LRRC7: variants seen among roughly 807,000 people sequenced by gnomAD.
LRRC7 encodes leucine-rich repeat-containing protein 7.
LRRC7 carries 23 observed loss-of-function variants against 175.7 expected under a neutral mutation model. That is an observed-to-expected ratio of 0.13 (90% CI 0.09 to 0.19). The LOEUF (loss-of-function observed/expected upper bound fraction) is 0.19, where lower values mean the gene tolerates loss of function less well. LRRC7 is among the 10% of genes least tolerant of loss of function. LRRC7 has a pLI of 1.00. For synonymous variants in LRRC7, 685 were observed against 680.9 expected (o/e 1.01, Z -0.09); for missense variants, 1,354 against 1,904.7 (o/e 0.71, Z 5.38).
chr1:70,036,318 T>G, intron 19 of LRRC7, 86 bp downstream of exon 19: 1 of 1,387,648 alleles, frequency 7.2e-7, no homozygotes, highest in Admixed American at 2.0e-5. Context: ...TACACCATAT[T>G]CTATACAAAT....
intron 17 of LRRC7, among the ~76,000 whole-genome samples, chr1:70,024,660 A>G (rs1383414848): frequency 6.6e-6 from 1 of 151,998 alleles, no homozygotes; most frequent in Non-Finnish European, 1.5e-5. Flanking sequence ...ATTTTATCTC[A>G]TGCTGGAATA....
chr1:69,858,321 G>C lies in LRRC7; in HGVS notation c.647+20038G>C, dbSNP rs145667314. Among the ~76,000 whole-genome samples, 615 of 152,222 alleles carry C rather than the reference G, an allele frequency of 4.0e-3. 5 individuals are homozygous for C. Among genetic ancestry groups the C allele is most frequent in the African/African-American group, 0.013 (558 of 41,536 alleles). On this transcript the variant is annotated intron_variant, in intron 7 of 26. Transcript: ENST00000651989. ...AAAGAAACTATCATCAGAGTGAACA[G>C]ACAACCTACAGAATGGAAGAAAATT...
chr1:69,569,589 G>A (rs574145211), intron 1 of LRRC7, among the ~76,000 whole-genome samples: 1 of 152,010 alleles, frequency 6.6e-6, no homozygotes, highest in East Asian at 1.9e-4. Flanking sequence ...AAGAATGGGG[G>A]CGGGGGTTGG....
intron 4 of LRRC7, among the ~76,000 whole-genome samples, chr1:69,808,658 G>T (rs986787171): frequency 6.6e-6 from 1 of 152,088 alleles, no homozygotes; most frequent in Non-Finnish European, 1.5e-5. Flanking sequence ...GCTCCTGAAT[G>T]ACTACTGGGT....
At chr1:69,957,980 A>G (rs952301908) in intron 8 of LRRC7, among the ~76,000 whole-genome samples, 5 of 152,006 alleles carry the variant, frequency 3.3e-5, no homozygotes, top group Non-Finnish European at 7.4e-5. Context: ...AAGTAAAAAC[A>G]TGTATTTTCA....
intron 8 of LRRC7, among the ~76,000 whole-genome samples, chr1:69,979,310 A>G (rs1426194073): frequency 6.6e-6 from 1 of 152,204 alleles, no homozygotes; most frequent in Non-Finnish European, 1.5e-5. Flanking sequence ...GGAAGGGGAT[A>G]ATTTCTGGAG....
chr1:69,732,471 A>G (rs1030723160), intron 2 of LRRC7, among the ~76,000 whole-genome samples: 1 of 152,080 alleles, frequency 6.6e-6, no homozygotes, highest in African/African-American at 2.4e-5. Context: ...TAAAGGATCC[A>G]ATAGTTTTCC....
chr1:69,945,889 T>C (rs1368916300), intron 8 of LRRC7, among the ~76,000 whole-genome samples: 1 of 152,176 alleles, frequency 6.6e-6, no homozygotes, highest in Non-Finnish European at 1.5e-5. Context: ...GTGGAACCTT[T>C]GGGGCTTTCC....
chr1:69,932,534 T>G (rs1403395938), intron 8 of LRRC7, among the ~76,000 whole-genome samples: 1 of 152,216 alleles, frequency 6.6e-6, no homozygotes, highest in Non-Finnish European at 1.5e-5. Flanking sequence ...GTATTTTGAA[T>G]GCACAAAGAA....
intron 1 of LRRC7, among the ~76,000 whole-genome samples, chr1:69,657,016 C>T (rs1294405876): frequency 6.6e-6 from 1 of 151,642 alleles, no homozygotes; most frequent in Non-Finnish European, 1.5e-5. Context: ...AAGGACAAGA[C>T]ATAAATATTT....
intron 3 of LRRC7, among the ~76,000 whole-genome samples, chr1:69,779,927 C>T (rs1468076614): frequency 1.3e-5 from 2 of 152,208 alleles, no homozygotes; most frequent in African/African-American, 4.8e-5. Flanking sequence ...CTACTAGGCA[C>T]ACTAAAGTCT....
chr1:69,962,520 TG>T (rs1651200587), intron 8 of LRRC7, among the ~76,000 whole-genome samples: 1 of 152,180 alleles, frequency 6.6e-6, no homozygotes, highest in Non-Finnish European at 1.5e-5. Flanking sequence ...GTTATAAAGA[TG>T]GATACACACG....
chr1:69,705,119 ACTT>A (rs770550844), intron 2 of LRRC7, among the ~76,000 whole-genome samples: 1 of 152,122 alleles, frequency 6.6e-6, no homozygotes, highest in Non-Finnish European at 1.5e-5. Flanking sequence ...ACTGTTACCC[ACTT>A]CTTCTTACAC....
chr1:69,701,342 C>T (rs1663326583), intron 2 of LRRC7, among the ~76,000 whole-genome samples: 1 of 152,136 alleles, frequency 6.6e-6, no homozygotes, highest in African/African-American at 2.4e-5. Context: ...CATTTTTCTT[C>T]ACTAGACCCT....
intron 1 of LRRC7, among the ~76,000 whole-genome samples, chr1:69,660,214 T>A (rs1043030579): frequency 6.6e-6 from 1 of 152,090 alleles, no homozygotes; most frequent in African/African-American, 2.4e-5. Context: ...TTACAATCAC[T>A]ACATAATGAT....
At position 70,127,400 on chromosome 1, in the gene LRRC7, C is replaced by G. The variant is rs1163402156; in HGVS notation, c.*5513C>G. ...GAAAAACCGAGGGGGCAAGTCTACT[C>G]TAAGTTTTTATTTAAAAACATACAG... On this transcript the variant is annotated 3_prime_UTR_variant, in exon 27 of 27. Coordinates refer to ENST00000651989, the MANE Select transcript of LRRC7 (RefSeq NM_001370785.2). Among the ~76,000 whole-genome samples, 1 of 152,162 alleles carries G rather than the reference C, an allele frequency of 6.6e-6. No individual in the cohort carries two copies. Among genetic ancestry groups the G allele is most frequent in the African/African-American group, 2.4e-5 (1 of 41,430 alleles).
intron 8 of LRRC7, 39 bp downstream of exon 8, chr1:69,931,609 C>T (rs766624092): frequency 4.7e-6 from 7 of 1,491,080 alleles, no homozygotes; most frequent in Middle Eastern, 1.7e-4. Context: ...AAATACCCTT[C>T]AGGAGATTCT....
At chr1:69,793,810 A>C (rs1467760273) in intron 4 of LRRC7, among the ~76,000 whole-genome samples, 1 of 152,070 alleles carries the variant, frequency 6.6e-6, no homozygotes. Context: ...GGAGCCCAGT[A>C]AATATCTATT....
intron 2 of LRRC7, among the ~76,000 whole-genome samples, chr1:69,736,641 T>G (rs1668146469): frequency 6.6e-6 from 1 of 152,080 alleles, no homozygotes; most frequent in Admixed American, 6.6e-5. Context: ...GTGTGTGTGG[T>G]GAATAAATAC....
Sources: allele counts gnomAD v4.1 joint callset (sites outside exome capture counted in the v4.1 genomes callset), GRCh38; gene constraint gnomAD v4.1.1; transcripts MANE v1.5; gene names NCBI Gene and HGNC (gene_info 2026-07-23, HGNC 2026-07-21).